NCBP1: variants seen among roughly 807,000 people sequenced by gnomAD.
NCBP1 encodes nuclear cap binding protein subunit 1, also known as nuclear cap-binding protein subunit 1.
In NCBP1, 16 loss-of-function variants were observed where a neutral mutation model predicts 111.7. That is an observed-to-expected ratio of 0.14 (90% CI 0.10 to 0.22). The LOEUF is 0.22. NCBP1 is among the 10% of genes least tolerant of loss of function. The probability of loss-of-function intolerance (pLI) is 1.00; values close to 1 mark genes in which losing one functional copy is unlikely to be tolerated. For missense variants in NCBP1, 607 were observed against 957.5 expected (o/e 0.63, Z 4.83); for synonymous variants, 304 against 314.3 (o/e 0.97, Z 0.35).
rs80323924 is a variant in NCBP1, at chr9:97,661,941, C to T, written c.1601-101C>T. ...GAACCAAAAAACATTACACAAATAT[C>T]TGTGTATAGATGTGAGCAACCATCT... is the stretch of plus-strand genomic sequence containing the variant. On this transcript the variant is annotated intron_variant, in intron 16 of 22. Transcript: ENST00000375147. 8,890 of 642,268 alleles carry T rather than the reference C, an allele frequency of 0.014. 597 individuals carry two copies. The African/African-American group carries it at 0.14, about 10-fold the overall frequency. The allele number at this position is 642,268 out of a possible 1,614,324, so 39.8% of individuals were successfully genotyped here.
chr9:97,641,640 A>T lies in NCBP1; in HGVS notation c.202A>T (p.Ile68Phe). The change falls in exon 3 of 23, where the codon ATC becomes TTC. Residue 68 changes from isoleucine (I) to phenylalanine (F), a missense_variant. Around this residue, in one of 9 missense-constraint regions of NCBP1, gnomAD observed 185 missense variants for 272.0 expected, o/e 0.68. Coordinates refer to ENST00000375147, the MANE Select transcript of NCBP1 (RefSeq NM_002486.5). ...TGATCTTCCTAACTACAAGAGCAAGATCTTAAGGCTTCTTTGTACAGTGTA... is the reference window on the plus strand; with the variant it reads ...TGATCTTCCTAACTACAAGAGCAAGTTCTTAAGGCTTCTTTGTACAGTGTA... ...EADLPNYKSKILRLLCTVARL... is the reference protein window; with the variant it reads ...EADLPNYKSKFLRLLCTVARL... 6.2e-7 allele frequency: 1 copy of T among 1,608,044 alleles called. No individual in the cohort carries two copies. The highest frequency in any genetic ancestry group is 8.5e-7 in the Non-Finnish European group (1 of 1,175,194).
intron 2 of NCBP1, 89 bp from the exon 3 acceptor site, chr9:97,641,473 T>A: frequency 1.0e-6 from 1 of 969,742 alleles, no homozygotes; most frequent in African/African-American, 1.7e-5. Flanking sequence ...GATTTTAAAA[T>A]ATGTATATAT....
chr9:97,656,193 T>G (rs1827647835), intron 14 of NCBP1, 108 bp downstream of exon 14: 4 of 883,528 alleles, frequency 4.5e-6, no homozygotes, highest in Non-Finnish European at 7.0e-6. Flanking sequence ...CACTTACTCA[T>G]CTTCCATCCC....
chr9:97,638,200 C>T (rs1827106730), intron 1 of NCBP1, among the ~76,000 whole-genome samples: 2 of 152,060 alleles, frequency 1.3e-5, no homozygotes, highest in Non-Finnish European at 2.9e-5. Flanking sequence ...TAGTCTTCAC[C>T]CCTTTATAGT....
At position 97,653,782 on chromosome 9, in the gene NCBP1, C is replaced by A; in HGVS notation, c.1060-16C>A. ...ATAGCAGTTGGATTGAATTGTGACT[C>A]ATGATTCTTTTGTAGGTGATCTTTG... On this transcript the variant is annotated splice_polypyrimidine_tract_variant and intron_variant, in intron 10 of 22. Coordinates refer to ENST00000375147, the MANE Select transcript of NCBP1 (RefSeq NM_002486.5). The A allele has an allele frequency of 6.3e-7, 1 of 1,597,442 alleles. No individual in the cohort carries two copies.
At chr9:97,643,005 T>C (rs1451587504) in intron 3 of NCBP1, among the ~76,000 whole-genome samples, 199 bp from the exon 4 acceptor site, 1 of 152,168 alleles carries the variant, frequency 6.6e-6, no homozygotes, top group African/African-American at 2.4e-5. Context: ...TTAGATTAAC[T>C]GATGAATTAA....
intron 20 of NCBP1, 25 bp downstream of exon 20, chr9:97,666,902 TAG>T (rs1828020769): frequency 6.8e-7 from 1 of 1,463,764 alleles, no homozygotes; most frequent in Admixed American, 2.1e-5. Flanking sequence ...AACTTGTAAG[TAG>T]TTAAAGAAAA....
chr9:97,643,300 C>T lies in NCBP1; in HGVS notation c.321C>T (p.Ala107=). 6.2e-7 allele frequency: 1 copy of T among 1,608,978 alleles called. No homozygotes were observed. Among genetic ancestry groups the T allele is most frequent in the Non-Finnish European group, 8.5e-7 (1 of 1,178,498 alleles). ...NYNFGGEFVE[A]MIRQLKESLK... ...ATTTTGGTGGAGAATTTGTAGAAGC[C>T]ATGATTCGTCAACTTAAAGAATCAT... The change falls in exon 4 of 23, where the codon GCC becomes GCT. Residue 107 remains alanine (A), a synonymous_variant. Transcript: ENST00000375147.
At chr9:97,646,424 T>A (rs1827336133) in intron 6 of NCBP1, among the ~76,000 whole-genome samples, 1 of 152,160 alleles carries the variant, frequency 6.6e-6, no homozygotes, top group Admixed American at 6.5e-5. Flanking sequence ...GGCCCTTAGG[T>A]TTTTACAGAT....
chr9:97,664,290 T>C, intron 18 of NCBP1, 50 bp from the exon 19 acceptor site: 2 of 1,083,324 alleles, frequency 1.8e-6, no homozygotes, highest in Non-Finnish European at 2.7e-6. Context: ...CACATATATA[T>C]GTGTGTGTAT....
At chr9:97,653,952 C>T (rs1163317953) in intron 11 of NCBP1, 44 bp downstream of exon 11, 7 of 1,484,822 alleles carry the variant, frequency 4.7e-6, no homozygotes, top group African/African-American at 2.8e-5. Context: ...TTGGCCTGGT[C>T]TTAAAAGATT....
intron 19 of NCBP1, among the ~76,000 whole-genome samples, chr9:97,666,313 A>G (rs1165524688): frequency 6.6e-6 from 1 of 152,248 alleles, no homozygotes; most frequent in African/African-American, 2.4e-5. Flanking sequence ...ACATTCCAAG[A>G]GAATAATTGG....
intron 9 of NCBP1, 104 bp from the exon 10 acceptor site, chr9:97,651,206 A>G: frequency 1.2e-6 from 1 of 814,714 alleles, no homozygotes; most frequent in Non-Finnish European, 1.8e-6. Flanking sequence ...ATTTCAAAAA[A>G]GATTTTTCTT....
rs1828253938 is a variant in NCBP1 at position 97,673,332 on chromosome 9, A to G, written c.*2133A>G. 1 of 152,178 alleles carries G rather than the reference A, an allele frequency of 6.6e-6. No individual in the cohort carries two copies. Among genetic ancestry groups the G allele is most frequent in the Non-Finnish European group, 1.5e-5 (1 of 68,030 alleles). 9.4% of individuals were successfully genotyped at this position (152,178 alleles called of 1,614,324 possible). A position where few individuals can be genotyped will look rare whatever the true frequency, so the allele number is the denominator to read the frequency against. On this transcript the variant is annotated 3_prime_UTR_variant, in exon 23 of 23. Coordinates refer to ENST00000375147, the MANE Select transcript of NCBP1 (RefSeq NM_002486.5). ...GTAGTTTAAAATGACTCCTGTCTCA[A>G]AAAACCAAAGGATAACCTTTAAGGG...
At position 97,647,519 on chromosome 9, in the gene NCBP1, G is replaced by A. The variant is rs1827377794; in HGVS notation, c.639G>A (p.Met213Ile). 1 of 1,613,138 alleles carries A rather than the reference G, an allele frequency of 6.2e-7. No homozygotes were observed. The highest frequency in any genetic ancestry group is 1.1e-5 in the South Asian group (1 of 91,068). ...LKRRQKTHVP[M>I]LQVWTADKPH... The stretch of plus-strand genomic sequence containing the variant: ...GACGCCAAAAGACTCATGTACCCAT[G>A]TTACAGGTATGGACTGCTGATAAAC... The change falls in exon 7 of 23, where the codon ATG (methionine) becomes ATA (isoleucine). Residue 213 changes from methionine (M) to isoleucine (I), a missense_variant. Around this residue, in one of 9 missense-constraint regions of NCBP1, gnomAD observed 185 missense variants for 272.0 expected, o/e 0.68. Coordinates refer to ENST00000375147, the MANE Select transcript of NCBP1 (RefSeq NM_002486.5).
intron 21 of NCBP1, 27 bp downstream of exon 21, chr9:97,669,001 TAAAAG>T: frequency 6.4e-7 from 1 of 1,574,738 alleles, no homozygotes. Flanking sequence ...CATTTATACA[TAAAAG>T]GAAACAATAC....
intron 22 of NCBP1, chr9:97,670,090 T>G: frequency 3.0e-6 from 1 of 330,916 alleles, no homozygotes; most frequent in South Asian, 2.6e-5. Flanking sequence ...TCCTGCCTGA[T>G]TTTTGTATTT....
rs371553601 is a variant in NCBP1 at position 97,642,323 on chromosome 9, T to G, written c.224+661T>G. Among the ~76,000 whole-genome samples, 43 of 152,210 alleles carry G rather than the reference T, an allele frequency of 2.8e-4. No individual in the cohort carries two copies. The South Asian group carries it at 6.6e-3, about 23-fold the overall frequency. ...GAACTTGTATTGCTTCGCAGTGTTC[T>G]TTTTTAATTTTTGGTTTTGGGAGGG... On this transcript the variant is annotated intron_variant, in intron 3 of 22. Transcript: ENST00000375147.
intron 10 of NCBP1, among the ~76,000 whole-genome samples, chr9:97,652,204 A>G (rs111614978): frequency 0.094 from 14,274 of 152,216 alleles, 2,299 homozygotes; most frequent in African/African-American, 0.33. Context: ...GGGTTTCACC[A>G]TATTGGCCAG....
Sources: allele counts gnomAD v4.1 joint callset (sites outside exome capture counted in the v4.1 genomes callset), GRCh38; gene constraint gnomAD v4.1.1; regional missense constraint gnomAD v4.1.1; transcripts MANE v1.5; gene names NCBI Gene and HGNC (gene_info 2026-07-23, HGNC 2026-07-21).